The following MGLL variants were observed in gnomAD, a reference collection of about 807,000 sequenced individuals.
MGLL encodes the protein lysophospholipase homolog.
In MGLL, 7 loss-of-function variants were observed where a neutral mutation model predicts 29.1. The ratio of observed to expected loss-of-function variants is 0.24; its 90% CI spans 0.14 to 0.45. The LOEUF (loss-of-function observed/expected upper bound fraction) is 0.45, where lower values mean the gene tolerates loss of function less well. MGLL is among the 20% of genes least tolerant of loss of function. The pLI, the probability that MGLL is intolerant of heterozygous loss-of-function variation, is 0.99. For synonymous variants in MGLL, 148 were observed against 168.3 expected (o/e 0.88, Z 0.93); for missense variants, 356 against 413.6 (o/e 0.86, Z 1.21).
At chr3:127,707,982 C>T (rs778619369) in intron 6 of MGLL, among the ~76,000 whole-genome samples, 1 of 152,194 alleles carries the variant, frequency 6.6e-6, no homozygotes, top group Non-Finnish European at 1.5e-5. Context: ...TTCCCTGGGG[C>T]CTGTGCACTC....
chr3:127,726,199 AAAG>A (rs1281801178), intron 3 of MGLL, among the ~76,000 whole-genome samples: 1 of 139,376 alleles, frequency 7.2e-6, no homozygotes, highest in Non-Finnish European at 1.6e-5. Flanking sequence ...GAAAAGAAAG[AAAG>A]AAAGACAGAA....
intron 3 of MGLL, among the ~76,000 whole-genome samples, chr3:127,743,922 C>G (rs1038373463): frequency 6.6e-6 from 1 of 152,146 alleles, no homozygotes; most frequent in Admixed American, 6.5e-5. Context: ...TTCGTCCCCC[C>G]GACTACCACT....
chr3:127,732,308 G>A (rs1417431314), intron 3 of MGLL, among the ~76,000 whole-genome samples: 1 of 152,214 alleles, frequency 6.6e-6, no homozygotes, highest in Non-Finnish European at 1.5e-5. Context: ...AAGCTTGTGA[G>A]GTAGGGATTC....
chr3:127,739,826 T>C (rs2076304983), intron 3 of MGLL, among the ~76,000 whole-genome samples: 2 of 152,190 alleles, frequency 1.3e-5, no homozygotes, highest in South Asian at 4.1e-4. Flanking sequence ...CTGGAGATGC[T>C]TTCTACCATC....
chr3:127,774,257 C>G (rs2076996262), intron 3 of MGLL, among the ~76,000 whole-genome samples: 1 of 152,232 alleles, frequency 6.6e-6, no homozygotes, highest in African/African-American at 2.4e-5. Flanking sequence ...CCCTCTGCCA[C>G]CCAGACCTTT....
rs139994235 is a variant in MGLL at position 127,705,647 on chromosome 3, G to A, written c.600+4929C>T. ...TGAAATTAGCCTGGTGTGGTGGCAC[G>A]CGCCTGTAATCCCAGCTACTCAGGA... On this transcript the variant is annotated intron_variant, in intron 6 of 7. Coordinates refer to ENST00000265052, the MANE Select transcript of MGLL (RefSeq NM_007283.7). 4.2e-3 allele frequency among the ~76,000 whole-genome samples: 638 copies of A among 151,870 alleles called. 5 individuals are homozygous for A. Among genetic ancestry groups the A allele is most frequent in the African/African-American group, 0.014 (592 of 41,406 alleles).
intron 3 of MGLL, among the ~76,000 whole-genome samples, chr3:127,770,279 C>A (rs1026485600): frequency 1.3e-5 from 2 of 152,168 alleles, no homozygotes; most frequent in African/African-American, 4.8e-5. Context: ...ACCTCAGCCT[C>A]CCACAGTGCT....
rs3817477 is a variant in MGLL at position 127,822,186 on chromosome 3, C to T, written c.10+123G>A. The T allele has an allele frequency of 6.9e-4, 773 of 1,119,452 alleles. 4 individuals carry two copies. The East Asian group carries it at 0.017, about 25-fold the overall frequency. The allele number at this position is 1,119,452 out of a possible 1,614,324, so 69.3% of individuals were successfully genotyped here. ...AGTCAGCTCTATGGGTACAAAGACCCAGCTGCAAGAAGACCCATCTATCTT... is the reference window on the plus strand; with the variant it reads ...AGTCAGCTCTATGGGTACAAAGACCTAGCTGCAAGAAGACCCATCTATCTT... On this transcript the variant is annotated intron_variant, in intron 1 of 7. Coordinates refer to ENST00000265052, the MANE Select transcript of MGLL (RefSeq NM_007283.7).
intron 2 of MGLL, among the ~76,000 whole-genome samples, chr3:127,818,324 T>G (rs1465856078): frequency 6.6e-6 from 1 of 152,146 alleles, no homozygotes; most frequent in Non-Finnish European, 1.5e-5. Flanking sequence ...AGGGCATAAA[T>G]TCTGTTTTTT....
chr3:127,720,933 G>A (rs541968917), intron 5 of MGLL, 120 bp downstream of exon 5: 11 of 844,656 alleles, frequency 1.3e-5, no homozygotes, highest in Middle Eastern at 2.2e-4. Flanking sequence ...AACCCCTCAC[G>A]CAATAGTGTC....
At position 127,691,144 on chromosome 3, in the gene MGLL, C is replaced by G. The variant is rs561651047; in HGVS notation, c.*1054G>C. The G allele has an allele frequency of 6.5e-6, 1 of 152,688 alleles. No homozygotes were observed. The allele number at this position is 152,688 out of a possible 1,614,324, so 9.5% of individuals were successfully genotyped here. A position where few individuals can be genotyped will look rare whatever the true frequency, so the allele number is the denominator to read the frequency against. On this transcript the variant is annotated 3_prime_UTR_variant, in exon 8 of 8. Transcript: ENST00000265052. ...CTAGGGATCATAGCCCCATAGGGTG[C>G]CACTGCTCCATGGTCCCTGGTGGGC...
chr3:127,820,909 G>C (rs889087066), intron 2 of MGLL, among the ~76,000 whole-genome samples: 2 of 152,170 alleles, frequency 1.3e-5, no homozygotes, highest in African/African-American at 4.8e-5. Flanking sequence ...ACCTGTGTGA[G>C]GGTTGGGTGA....
intron 5 of MGLL, among the ~76,000 whole-genome samples, chr3:127,717,949 T>C (rs1377203060): frequency 6.6e-6 from 1 of 152,176 alleles, no homozygotes; most frequent in African/African-American, 2.4e-5. Flanking sequence ...TTCAGATGCA[T>C]GGAGTTTTTG....
chr3:127,759,521 C>T (rs1455481364), intron 3 of MGLL, among the ~76,000 whole-genome samples: 1 of 152,172 alleles, frequency 6.6e-6, no homozygotes, highest in Non-Finnish European at 1.5e-5. Context: ...CACCTGCGGC[C>T]ATTTAAAAAT....
At chr3:127,700,033 C>T (rs2075448492) in intron 6 of MGLL, among the ~76,000 whole-genome samples, 2 of 152,238 alleles carry the variant, frequency 1.3e-5, no homozygotes, top group Admixed American at 1.3e-4. Flanking sequence ...GAAGCGTCAC[C>T]CTTCCACCTG....
In MGLL at chr3:127,710,633, C is replaced by A; in HGVS notation, c.543G>T (p.Leu181=). 1 of 1,574,242 alleles carries A rather than the reference C, an allele frequency of 6.4e-7. No individual in the cohort carries two copies. The highest frequency in any genetic ancestry group is 1.9e-5 in the Admixed American group (1 of 53,810). Residue 181 remains leucine, a synonymous_variant, in exon 6 of 8, where the codon CTG becomes CTT. Coordinates refer to ENST00000265052, the MANE Select transcript of MGLL (RefSeq NM_007283.7). The part of the protein sequence containing the change: ...VLAAKVLNLV[L]PNLSLGPIDS... ...CGATGGGCCCGAGGGACAAGTTTGG[C>A]AGCACAAGGTTGAGCACTTTCGCAG...
At chr3:127,696,146 C>A (rs563270043) in intron 6 of MGLL, among the ~76,000 whole-genome samples, 6 of 152,302 alleles carry the variant, frequency 3.9e-5, no homozygotes, top group African/African-American at 1.2e-4. Context: ...GCCAACTCTC[C>A]CCCTCTACGG....
chr3:127,694,111 A>C (rs2075299436), intron 7 of MGLL, among the ~76,000 whole-genome samples: 1 of 151,828 alleles, frequency 6.6e-6, no homozygotes, highest in African/African-American at 2.4e-5. Flanking sequence ...CTGTACTAAA[A>C]ATACAAAAAT....
At chr3:127,780,722 C>T (rs971939469) in intron 3 of MGLL, among the ~76,000 whole-genome samples, 1 of 152,262 alleles carries the variant, frequency 6.6e-6, no homozygotes, top group African/African-American at 2.4e-5. Flanking sequence ...GGCTTTCCCG[C>T]ATTTACAAGG....
Sources: allele counts gnomAD v4.1 joint callset (sites outside exome capture counted in the v4.1 genomes callset), GRCh38; gene constraint gnomAD v4.1.1; transcripts MANE v1.5; gene names NCBI Gene and HGNC (gene_info 2026-07-23, HGNC 2026-07-21).